GALNT17: variants seen among roughly 807,000 people sequenced by gnomAD.
The protein encoded by GALNT17 is polypeptide N-acetylgalactosaminyltransferase 17.
GALNT17 carries 29 observed loss-of-function variants against 63.7 expected under a neutral mutation model. The observed-to-expected ratio is 0.46, with a 90% CI of 0.34 to 0.62. GALNT17 has a LOEUF of 0.62. Among genes scored for constraint, GALNT17 ranks in the 20% least tolerant of loss-of-function variants. The pLI, the probability that GALNT17 is intolerant of heterozygous loss-of-function variation, is 0.01. For missense variants in GALNT17, 603 were observed against 799.6 expected, an observed-to-expected ratio of 0.75 and a Z score of 2.97; for synonymous variants, 305 against 318.3, an observed-to-expected ratio of 0.96 and a Z score of 0.45.
intron 3 of GALNT17, among the ~76,000 whole-genome samples, chr7:71,404,753 A>G (rs963772563): frequency 3.3e-5 from 5 of 152,122 alleles, no homozygotes; most frequent in Non-Finnish European, 7.4e-5. Flanking sequence ...TATTGTTTAG[A>G]AGAGTTGGAG....
intron 1 of GALNT17, among the ~76,000 whole-genome samples, chr7:71,229,206 G>A (rs916006573): frequency 6.6e-6 from 1 of 152,234 alleles, no homozygotes; most frequent in African/African-American, 2.4e-5. Flanking sequence ...GAATCGTGAA[G>A]GATGTGGCCC....
rs200450528 is a variant in GALNT17, at chr7:71,335,671, C to T, written c.360C>T (p.Tyr120=). The T allele has an allele frequency of 1.2e-6, 2 of 1,612,270 alleles. No homozygotes were observed. Among genetic ancestry groups the T allele is most frequent in the African/African-American group, 1.3e-5 (1 of 74,962 alleles). The change falls in exon 2 of 11, where the codon TAC becomes TAT. Residue 120 remains tyrosine (Y), a synonymous_variant. Coordinates refer to ENST00000333538, the MANE Select transcript of GALNT17 (RefSeq NM_022479.3). ...AGGGACCCCATGAGAAGTATGGCTA[C>T]AATTCATACCTCAGTGAAAAAATTT... ...KAKGPHEKYG[Y]NSYLSEKISL...
rs190828867 is a variant in GALNT17, at chr7:71,705,039, G to C, written c.1501-5722G>C. Among the ~76,000 whole-genome samples the C allele has an allele frequency of 5.7e-3, 873 of 152,180 alleles. 13 individuals carry two copies. Among genetic ancestry groups the C allele is most frequent in the African/African-American group, 0.019 (783 of 41,520 alleles). Reference sequence around the variant, plus strand: ...GTATTTTACCAAAAAGAAAAACTTTGATGCTTCAAAGGACATTATCAAGCA... The same window carrying C: ...GTATTTTACCAAAAAGAAAAACTTTCATGCTTCAAAGGACATTATCAAGCA... On this transcript the variant is annotated intron_variant, in intron 9 of 10. Transcript: ENST00000333538.
chr7:71,284,245 T>C (rs1164787671), intron 1 of GALNT17: 2 of 159,232 alleles, frequency 1.3e-5, no homozygotes, highest in African/African-American at 2.4e-5. Flanking sequence ...GAACCAACTC[T>C]GGACACAGTG....
At chr7:71,581,568 G>T (rs556200395) in intron 6 of GALNT17, among the ~76,000 whole-genome samples, 5 of 152,120 alleles carry the variant, frequency 3.3e-5, no homozygotes, top group Admixed American at 3.3e-4. Context: ...CTCCTTCAAC[G>T]CGTGGGGATT....
In GALNT17 at chr7:71,701,915, A is replaced by ATGTGTG. The variant is rs1337128514; in HGVS notation, c.1501-8845_1501-8844insGTGTGT. Among the ~76,000 whole-genome samples, 1,367 of 137,208 alleles carry ATGTGTG rather than the reference A, an allele frequency of 1.0e-2. 45 individuals carry two copies. The highest frequency in any genetic ancestry group is 0.037 in the African/African-American group (1,277 of 34,612). The allele number at this position is 137,208 out of a possible 152,430, so 90.0% of individuals were successfully genotyped here. ...TATATACACATATATATATATACAT[A>ATGTGTG]TATATATGTATATATATACATGTCA... is the stretch of plus-strand genomic sequence containing the variant. On this transcript the variant is annotated intron_variant, in intron 9 of 10. Transcript: ENST00000333538.
Position 71,488,633 on chromosome 7 carries a change from G to A in GALNT17, c.962+67528G>A, listed in dbSNP as rs1442075412. On this transcript the variant is annotated intron_variant, in intron 5 of 10. Coordinates refer to ENST00000333538, the MANE Select transcript of GALNT17 (RefSeq NM_022479.3). ...TTTACTGTATTGCCCAAGCTGGAGT[G>A]CAGTGGCAGGATCTTGGCTCACTGC... is the stretch of plus-strand genomic sequence containing the variant. 8.4e-5 allele frequency among the ~76,000 whole-genome samples: 12 copies of A among 142,446 alleles called. No individual in the cohort carries two copies. In the Admixed American group the frequency reaches 8.8e-4, roughly 10 times the overall value. 93.5% of individuals were successfully genotyped at this position (142,446 alleles called of 152,430 possible).
chr7:71,254,764 G>A (rs1790259780), intron 1 of GALNT17, among the ~76,000 whole-genome samples: 1 of 152,120 alleles, frequency 6.6e-6, no homozygotes, highest in African/African-American at 2.4e-5. Context: ...CATATAAAGG[G>A]TGACATGAAA....
intron 5 of GALNT17, among the ~76,000 whole-genome samples, chr7:71,459,267 G>GA (rs933838462): frequency 4.6e-5 from 7 of 151,316 alleles, no homozygotes; most frequent in East Asian, 1.9e-4. Flanking sequence ...GCAGAATACA[G>GA]AAAAAAAAAG....
At chr7:71,374,485 C>A (rs1227406733) in intron 2 of GALNT17, among the ~76,000 whole-genome samples, 1 of 152,232 alleles carries the variant, frequency 6.6e-6, no homozygotes, top group South Asian at 2.1e-4. Context: ...GGCAAGAGAG[C>A]CCCTCGTGAG....
chr7:71,395,080 C>T (rs931671743), intron 3 of GALNT17, among the ~76,000 whole-genome samples: 3 of 152,082 alleles, frequency 2.0e-5, no homozygotes, highest in African/African-American at 7.2e-5. Flanking sequence ...CCAGCCTGGG[C>T]ATCACAGCAA....
chr7:71,614,881 AAGGG>A (rs557178612), intron 6 of GALNT17, among the ~76,000 whole-genome samples: 378 of 125,478 alleles, frequency 3.0e-3, no homozygotes, highest in African/African-American at 8.6e-3. Context: ...ACAGGGAGGG[AAGGG>A]AGGGAGGGAG....
At chr7:71,560,986 C>T (rs74333003) in intron 5 of GALNT17, among the ~76,000 whole-genome samples, 8,447 of 152,256 alleles carry the variant, frequency 0.055, 320 homozygotes, top group East Asian at 0.16. Flanking sequence ...GCTGATGTAA[C>T]AAAATGCACT....
intron 1 of GALNT17, among the ~76,000 whole-genome samples, chr7:71,257,147 T>C (rs1338045115): frequency 1.3e-5 from 2 of 152,208 alleles, no homozygotes; most frequent in African/African-American, 4.8e-5. Flanking sequence ...CCTGGCATTT[T>C]AGGGCTGTCT....
At position 71,508,644 on chromosome 7, in the gene GALNT17, G is replaced by A. The variant is rs577385416; in HGVS notation, c.963-62641G>A. Among the ~76,000 whole-genome samples the A allele has an allele frequency of 2.0e-5, 3 of 152,170 alleles. No individual in the cohort carries two copies. In the East Asian group the frequency reaches 5.8e-4, roughly 30 times the overall value. On this transcript the variant is annotated intron_variant, in intron 5 of 10. Coordinates refer to ENST00000333538, the MANE Select transcript of GALNT17 (RefSeq NM_022479.3). ...TAGGAGATGATTGCAGGTCCTCGCCGGCACCAGCTCTGAGGAACCCAGGTG... is the reference window on the plus strand; with the variant it reads ...TAGGAGATGATTGCAGGTCCTCGCCAGCACCAGCTCTGAGGAACCCAGGTG...
chr7:71,490,518 T>C (rs534445756), intron 5 of GALNT17, among the ~76,000 whole-genome samples: 1 of 152,098 alleles, frequency 6.6e-6, no homozygotes, highest in East Asian at 1.9e-4. Flanking sequence ...GACTAGTTGG[T>C]GTTCTCTGGG....
intron 6 of GALNT17, among the ~76,000 whole-genome samples, chr7:71,641,678 G>T (rs959806263): frequency 1.3e-5 from 2 of 152,056 alleles, no homozygotes; most frequent in African/African-American, 4.8e-5. Flanking sequence ...CTGTCACCGA[G>T]AGGGTCAGGA....
intron 9 of GALNT17, among the ~76,000 whole-genome samples, chr7:71,686,491 CT>C (rs1224898864): frequency 6.6e-6 from 1 of 152,082 alleles, no homozygotes; most frequent in African/African-American, 2.4e-5. Context: ...AGCAATCCTG[CT>C]GCCTTAGCCT....
chr7:71,302,771 A>G (rs986664834), intron 1 of GALNT17, among the ~76,000 whole-genome samples: 3 of 152,192 alleles, frequency 2.0e-5, no homozygotes, highest in South Asian at 2.1e-4. Flanking sequence ...CCCTTTCAAC[A>G]TGGGGTATTC....
Sources: allele counts gnomAD v4.1 joint callset (sites outside exome capture counted in the v4.1 genomes callset), GRCh38; gene constraint gnomAD v4.1.1; transcripts MANE v1.5; gene names NCBI Gene and HGNC (gene_info 2026-07-23, HGNC 2026-07-21).